QKI: variants seen among roughly 807,000 people sequenced by gnomAD.
QKI encodes QKI, KH domain containing RNA binding.
Under a neutral mutation model 39.0 loss-of-function variants are expected in QKI, and 10 were observed. That is an observed-to-expected ratio of 0.26 (90% confidence interval 0.16 to 0.43). The LOEUF is 0.43. Ranked by LOEUF, QKI falls within the 20% of genes least tolerant of loss-of-function variation. The probability of loss-of-function intolerance (pLI) is 1.00; values close to 1 mark genes in which losing one functional copy is unlikely to be tolerated. For synonymous variants in QKI, 204 were observed against 155.4 expected (o/e 1.31, Z -2.33); for missense variants, 218 against 428.0 (o/e 0.51, Z 4.33).
intron 7 of QKI, chr6:163,569,245 G>A: frequency 1.0e-6 from 1 of 971,346 alleles, no homozygotes; most frequent in African/African-American, 1.8e-5. Flanking sequence ...TGAAGATACA[G>A]TATTTTTGTA....
rs1050090063 is a variant in QKI, at chr6:163,574,673, G to A, written c.*3963G>A. On this transcript the variant is annotated 3_prime_UTR_variant, in exon 8 of 8. Coordinates refer to ENST00000361752, the MANE Select transcript of QKI (RefSeq NM_006775.3). Reference sequence around the variant, plus strand: ...CATGCTTTTCTTGGCTGGAACTTGGGTAAATTAACCTGTAATTATGAATTA... The same window carrying A: ...CATGCTTTTCTTGGCTGGAACTTGGATAAATTAACCTGTAATTATGAATTA... 2.0e-5 allele frequency: 3 copies of A among 152,130 alleles called. No individual in the cohort carries two copies. The highest frequency in any genetic ancestry group is 6.6e-5 in the Admixed American group (1 of 15,264). The allele number at this position is 152,130 out of a possible 1,614,324, so 9.4% of individuals were successfully genotyped here.
intron 1 of QKI, chr6:163,415,930 G>A: frequency 3.9e-6 from 2 of 512,400 alleles, no homozygotes; most frequent in South Asian, 1.4e-5. Flanking sequence ...AAGAAATTCC[G>A]TAGGAGACCG....
intron 3 of QKI, among the ~76,000 whole-genome samples, chr6:163,498,188 T>TTAAAAA (rs577554473): frequency 1.6e-5 from 2 of 125,556 alleles, no homozygotes; most frequent in East Asian, 2.5e-4. Context: ...GCAGCTGTGG[T>TTAAAAA]AAAAAAAAAA....
At chr6:163,460,851 A>C (rs1439676119) in intron 2 of QKI, among the ~76,000 whole-genome samples, 1 of 152,032 alleles carries the variant, frequency 6.6e-6, no homozygotes, top group Non-Finnish European at 1.5e-5. Context: ...TTAACACTTG[A>C]TTTTTGCCTG....
At chr6:163,504,044 T>C (rs1283248011) in intron 3 of QKI, among the ~76,000 whole-genome samples, 1 of 152,012 alleles carries the variant, frequency 6.6e-6, no homozygotes, top group Non-Finnish European at 1.5e-5. Context: ...CCCCCAGCGG[T>C]TAATTTTTGT....
chr6:163,433,094 C>T (rs1342798847), intron 1 of QKI, among the ~76,000 whole-genome samples: 1 of 152,274 alleles, frequency 6.6e-6, no homozygotes, highest in East Asian at 1.9e-4. Flanking sequence ...GTAAAAGGCA[C>T]AAGAGGCTTC....
chr6:163,459,048 A>G (rs1233382041), intron 2 of QKI, among the ~76,000 whole-genome samples: 1 of 152,168 alleles, frequency 6.6e-6, no homozygotes, highest in East Asian at 1.9e-4. Context: ...TTCTGTGCTC[A>G]TGGGTCTGTA....
intron 2 of QKI, among the ~76,000 whole-genome samples, chr6:163,463,918 T>C (rs1791529585): frequency 6.6e-6 from 1 of 152,204 alleles, no homozygotes; most frequent in South Asian, 2.1e-4. Context: ...GCAGGTACTT[T>C]TAATTTTTCT....
chr6:163,422,375 A>C (rs1046615550), intron 1 of QKI, among the ~76,000 whole-genome samples: 1 of 152,214 alleles, frequency 6.6e-6, no homozygotes, highest in Non-Finnish European at 1.5e-5. Context: ...CACATTATTT[A>C]TTATAAGCAG....
chr6:163,560,150 T>TG (rs1782904186), intron 4 of QKI, among the ~76,000 whole-genome samples: 1 of 152,038 alleles, frequency 6.6e-6, no homozygotes, highest in Non-Finnish European at 1.5e-5. Context: ...CGTGGGAACA[T>TG]GGGGTTAGGC....
At chr6:163,530,375 G>A (rs2128239996) in intron 3 of QKI, among the ~76,000 whole-genome samples, 1 of 152,238 alleles carries the variant, frequency 6.6e-6, no homozygotes, top group Non-Finnish European at 1.5e-5. Flanking sequence ...GATATTTTAA[G>A]TTCAGAAGTA....
At chr6:163,544,608 G>C (rs3857507) in intron 4 of QKI, among the ~76,000 whole-genome samples, 5 of 152,040 alleles carry the variant, frequency 3.3e-5, no homozygotes, top group African/African-American at 1.2e-4. Flanking sequence ...CTGCCCTTCA[G>C]AAAAACACCC....
intron 4 of QKI, among the ~76,000 whole-genome samples, chr6:163,542,036 A>G: frequency 6.6e-6 from 1 of 152,126 alleles, no homozygotes. Flanking sequence ...GCACCATACC[A>G]GGAGAGAGTA....
At chr6:163,562,634 A>T (rs1422993083) in intron 5 of QKI, among the ~76,000 whole-genome samples, 1 of 152,126 alleles carries the variant, frequency 6.6e-6, no homozygotes, top group Admixed American at 6.6e-5. Flanking sequence ...CCGTAAGAGG[A>T]TAGCTTTTTT....
chr6:163,489,280 T>C (rs969779084), intron 3 of QKI, among the ~76,000 whole-genome samples: 1 of 152,056 alleles, frequency 6.6e-6, no homozygotes, highest in Non-Finnish European at 1.5e-5. Flanking sequence ...TATTAGTTAG[T>C]GCTAAATTCC....
chr6:163,497,489 G>T (rs951199923), intron 3 of QKI, among the ~76,000 whole-genome samples: 1 of 151,600 alleles, frequency 6.6e-6, no homozygotes, highest in Non-Finnish European at 1.5e-5. Context: ...ACTTATTAAA[G>T]AATTTTTTGG....
intron 2 of QKI, among the ~76,000 whole-genome samples, chr6:163,472,243 TAAAG>T (rs1189328137): frequency 6.6e-6 from 1 of 152,192 alleles, no homozygotes; most frequent in Admixed American, 6.5e-5. Flanking sequence ...GAAAATGTTT[TAAAG>T]AAATCATAAG....
Position 163,438,585 on chromosome 6 carries a change from AAC to A in QKI, c.143-16690_143-16689del, listed in dbSNP as rs535277054. 7.9e-4 allele frequency among the ~76,000 whole-genome samples: 121 copies of A among 152,224 alleles called. 1 individual carries two copies. Among genetic ancestry groups the A allele is most frequent in the Admixed American group, 1.8e-3 (28 of 15,284 alleles). ...TGTACTGAATACTGTAGGCAGTTAT[AAC>A]ACAATGGTATTTGTGTAAACGTAGA... On this transcript the variant is annotated intron_variant, in intron 1 of 7. Transcript: ENST00000361752.
intron 6 of QKI, chr6:163,566,305 C>CT: frequency 8.4e-7 from 1 of 1,196,902 alleles, no homozygotes; most frequent in Non-Finnish European, 1.0e-6. Flanking sequence ...GCTTTTAAAC[C>CT]TTTTTAAGTG....
Sources: allele counts gnomAD v4.1 joint callset (sites outside exome capture counted in the v4.1 genomes callset), GRCh38; gene constraint gnomAD v4.1.1; transcripts MANE v1.5; gene names NCBI Gene and HGNC (gene_info 2026-07-23, HGNC 2026-07-21).